Variants in ETF1 observed in about 807,000 individuals in gnomAD.
The protein encoded by ETF1 is eukaryotic translation termination factor 1.
A neutral mutation model predicts 55.1 loss-of-function variants in ETF1; 4 were observed. The observed-to-expected ratio is 0.07, with a 90% CI of 0.04 to 0.17. The LOEUF is 0.17. Ranked by LOEUF, ETF1 falls within the 10% of genes least tolerant of loss-of-function variation. The pLI, the probability that ETF1 is intolerant of heterozygous loss-of-function variation, is 1.00. For missense variants in ETF1, 142 were observed against 523.6 expected, an observed-to-expected ratio of 0.27 and a Z score of 7.11; for synonymous variants, 157 against 182.3, an observed-to-expected ratio of 0.86 and a Z score of 1.12.
At chr5:138,526,610 G>A (rs1765482726) in intron 2 of ETF1, among the ~76,000 whole-genome samples, 1 of 152,034 alleles carries the variant, frequency 6.6e-6, no homozygotes. Context: ...GATCTTGGCT[G>A]ACTGCAACCT....
chr5:138,526,247 T>C (rs777669988), intron 2 of ETF1, among the ~76,000 whole-genome samples: 15 of 152,072 alleles, frequency 9.9e-5, no homozygotes, highest in Non-Finnish European at 1.5e-5. Flanking sequence ...AGAGTCAAAT[T>C]AAATGGGCTT....
chr5:138,538,317 G>C (rs532446427), intron 2 of ETF1, among the ~76,000 whole-genome samples: 1 of 152,114 alleles, frequency 6.6e-6, no homozygotes, highest in South Asian at 2.1e-4. Flanking sequence ...AGCCTCCCGA[G>C]TAGCTGGGAT....
chr5:138,521,484 G>A (rs187624331), intron 2 of ETF1, among the ~76,000 whole-genome samples: 229 of 152,080 alleles, frequency 1.5e-3, no homozygotes, highest in Non-Finnish European at 2.7e-3. Flanking sequence ...TTTTTACAAC[G>A]AAAAAAATTC....
At chr5:138,510,407 A>C (rs999553725) in intron 9 of ETF1, among the ~76,000 whole-genome samples, 158 bp downstream of exon 9, 2 of 149,410 alleles carry the variant, frequency 1.3e-5, no homozygotes, top group African/African-American at 2.5e-5. Context: ...TCCTTCCCTG[A>C]AATCAGATTC....
At chr5:138,536,504 C>G (rs575980464) in intron 2 of ETF1, among the ~76,000 whole-genome samples, 2 of 152,052 alleles carry the variant, frequency 1.3e-5, no homozygotes. Context: ...TCTAACCTGC[C>G]GGGGAAAAAA....
At chr5:138,533,796 C>T (rs1765803755) in intron 2 of ETF1, among the ~76,000 whole-genome samples, 2 of 152,146 alleles carry the variant, frequency 1.3e-5, no homozygotes, top group African/African-American at 4.8e-5. Flanking sequence ...AAAGTTCAAA[C>T]CATCATACTA....
intron 2 of ETF1, among the ~76,000 whole-genome samples, chr5:138,538,207 TGAGACAGAG>T (rs1286262661): frequency 7.6e-5 from 11 of 143,844 alleles, no homozygotes; most frequent in South Asian, 2.3e-4. Flanking sequence ...CTATTATTTT[TGAGACAGAG>T]TTTCACTCTG....
chr5:138,510,464 A>G (rs1764728677), intron 9 of ETF1, 101 bp downstream of exon 9: 1 of 699,996 alleles, frequency 1.4e-6, no homozygotes. Flanking sequence ...CCCAATTAGT[A>G]TAAGGTTTGG....
chr5:138,532,237 A>G (rs1172681776), intron 2 of ETF1, among the ~76,000 whole-genome samples: 1 of 152,144 alleles, frequency 6.6e-6, no homozygotes, highest in Non-Finnish European at 1.5e-5. Context: ...CCAAATTTGC[A>G]AAACTAAGTT....
intron 2 of ETF1, among the ~76,000 whole-genome samples, chr5:138,534,903 T>G (rs1341392012): frequency 8.2e-6 from 1 of 122,654 alleles, no homozygotes; most frequent in African/African-American, 2.6e-5. Context: ...CTCACAGAGC[T>G]GTTATAAGGT....
intron 4 of ETF1, among the ~76,000 whole-genome samples, chr5:138,516,865 G>C (rs1301342704): frequency 1.3e-5 from 2 of 152,102 alleles, no homozygotes; most frequent in African/African-American, 4.8e-5. Context: ...GCATTATTCA[G>C]AACAGCCAAA....
chr5:138,534,097 A>G (rs1292053357), intron 2 of ETF1, among the ~76,000 whole-genome samples: 2 of 152,224 alleles, frequency 1.3e-5, no homozygotes, highest in African/African-American at 4.8e-5. Context: ...AGAAATACCA[A>G]GACCGGAACT....
intron 4 of ETF1, among the ~76,000 whole-genome samples, chr5:138,515,383 C>A (rs1454865895): frequency 3.3e-5 from 5 of 152,132 alleles, no homozygotes; most frequent in Non-Finnish European, 7.4e-5. Flanking sequence ...CGAGATCGTG[C>A]CATTGCACTC....
At chr5:138,529,166 A>C (rs186589604) in intron 2 of ETF1, among the ~76,000 whole-genome samples, 10 of 151,040 alleles carry the variant, frequency 6.6e-5, no homozygotes, top group African/African-American at 9.7e-5. Flanking sequence ...CCAAAACCAA[A>C]CAAACAAACA....
intron 6 of ETF1, among the ~76,000 whole-genome samples, chr5:138,512,225 A>AAAATATAT (rs1764823149): frequency 4.5e-5 from 2 of 44,124 alleles, no homozygotes; most frequent in African/African-American, 1.3e-4. Flanking sequence ...AAAAAAAAAA[A>AAAATATAT]ATATATATAT....
chr5:138,510,357 C>CAAAAAAAAAAAAAAAAAAAAA (rs57906231), intron 9 of ETF1, among the ~76,000 whole-genome samples: 5 of 64,782 alleles, frequency 7.7e-5, no homozygotes, highest in African/African-American at 2.4e-4. Context: ...GACCTTGTCT[C>CAAAAAAAAAAAAAAAAAAAAA]AAAAAAAAAA....
intron 2 of ETF1, among the ~76,000 whole-genome samples, chr5:138,530,434 C>T (rs1385419068): frequency 2.6e-5 from 4 of 151,764 alleles, no homozygotes; most frequent in East Asian, 1.9e-4. Context: ...CCCACTACCA[C>T]GCCCAGCTAA....
chr5:138,511,115 A>G lies in ETF1; in HGVS notation c.948T>C (p.Ala316=), dbSNP rs781006931. 35 of 1,613,948 alleles carry G rather than the reference A, an allele frequency of 2.2e-5. No individual in the cohort carries two copies. The highest frequency in any genetic ancestry group is 1.7e-4 in the Admixed American group (10 of 60,002). Residue 316 remains alanine, a synonymous_variant, in exon 8 of 11, where the codon GCT becomes GCC. Transcript: ENST00000360541. Reference sequence around the variant, plus strand: ...TTTCATAGACTATTAGAATTTCTACAGCTCCCATTTCCAAAGCCTTTAGTG... The same window carrying G: ...TTTCATAGACTATTAGAATTTCTACGGCTCCCATTTCCAAAGCCTTTAGTG... ...EDTLKALEMG[A]VEILIVYENL...
At chr5:138,513,805 C>T (rs973349060) in intron 4 of ETF1, 99 bp from the exon 5 acceptor site, 7 of 1,369,422 alleles carry the variant, frequency 5.1e-6, no homozygotes, top group Admixed American at 4.6e-5. Context: ...ACTCCACTCA[C>T]CATGCTATTA....
Sources: allele counts gnomAD v4.1 joint callset (sites outside exome capture counted in the v4.1 genomes callset), GRCh38; gene constraint gnomAD v4.1.1; transcripts MANE v1.5; gene names NCBI Gene and HGNC (gene_info 2026-07-23, HGNC 2026-07-21).